Variants in ANO5 observed in about 807,000 individuals in gnomAD.
The protein encoded by ANO5 is anoctamin-5.
Under a neutral mutation model 121.0 loss-of-function variants are expected in ANO5, and 109 were observed. The ratio of observed to expected loss-of-function variants is 0.90; its 90% CI spans 0.77 to 1.06. The LOEUF (loss-of-function observed/expected upper bound fraction) is 1.06, where lower values mean the gene tolerates loss of function less well. ANO5 is among the 50% of genes least tolerant of loss of function. The pLI, the probability that ANO5 is intolerant of heterozygous loss-of-function variation, is 0.00. For synonymous variants in ANO5, 406 were observed against 359.9 expected (o/e 1.13, Z -1.45); for missense variants, 1,064 against 1,078.5 (o/e 0.99, Z 0.19).
At chr11:22,221,639 G>A (rs1022175786) in intron 5 of ANO5, among the ~76,000 whole-genome samples, 5 of 151,714 alleles carry the variant, frequency 3.3e-5, no homozygotes, top group Admixed American at 2.0e-4. Flanking sequence ...CACTTTATGA[G>A]CTTATTTATT....
rs1476549814 is a variant in ANO5 at position 22,225,321 on chromosome 11, T to G, written c.295-663T>G. 2.6e-5 allele frequency among the ~76,000 whole-genome samples: 4 copies of G among 151,716 alleles called. No individual in the cohort carries two copies. In the East Asian group the frequency reaches 7.8e-4, roughly 30 times the overall value. The stretch of plus-strand genomic sequence containing the variant: ...AAAAATTTTTTAAAAATTATCCGAG[T>G]GTGGAGACACCTTCTTGTAGTCCCA... On this transcript the variant is annotated intron_variant, in intron 5 of 21. Coordinates refer to ENST00000324559, the MANE Select transcript of ANO5 (RefSeq NM_213599.3).
intron 7 of ANO5, among the ~76,000 whole-genome samples, chr11:22,232,397 T>C (rs1853073072): frequency 6.6e-6 from 1 of 151,978 alleles, no homozygotes; most frequent in Admixed American, 6.6e-5. Flanking sequence ...CAATTTGCAG[T>C]AGTTATTTAT....
chr11:22,275,882 C>T (rs1274053533), intron 20 of ANO5, among the ~76,000 whole-genome samples: 2 of 151,650 alleles, frequency 1.3e-5, no homozygotes, highest in Non-Finnish European at 3.0e-5. Flanking sequence ...TTGTGTATTT[C>T]TTCTTAGATC....
At chr11:22,255,545 G>A (rs142901632) in intron 13 of ANO5, 23 bp downstream of exon 13, 274 of 1,611,034 alleles carry the variant, frequency 1.7e-4, no homozygotes, top group Non-Finnish European at 2.2e-4. Context: ...ACTGTGAAAC[G>A]GACAGCATAT....
At chr11:22,205,374 C>T (rs994011145) in intron 2 of ANO5, among the ~76,000 whole-genome samples, 3 of 151,916 alleles carry the variant, frequency 2.0e-5, no homozygotes, top group South Asian at 2.1e-4. Flanking sequence ...AAAAGTTCAG[C>T]GACCTAAATG....
At chr11:22,219,150 G>T (rs1165418901) in intron 4 of ANO5, among the ~76,000 whole-genome samples, 1 of 151,976 alleles carries the variant, frequency 6.6e-6, no homozygotes, top group Non-Finnish European at 1.5e-5. Context: ...TGACTTACAA[G>T]GCTCCCAGTG....
chr11:22,239,648 C>G lies in ANO5; in HGVS notation c.842C>G (p.Ser281Cys). Residue 281 changes from serine (S) to cysteine (C), a missense_variant, in exon 9 of 22, where the codon TCC (serine) becomes TGC (cysteine). By Grantham distance (112) the Ser-to-Cys change is moderately radical. Coordinates refer to ENST00000324559, the MANE Select transcript of ANO5 (RefSeq NM_213599.3). Reference sequence around the variant, plus strand: ...CTTCACCAGAATTGGGCTCGATTTTCCTATTTCTACAAGGAGCAGCCTTTA... The same window carrying G: ...CTTCACCAGAATTGGGCTCGATTTTGCTATTTCTACAAGGAGCAGCCTTTA... ...YTLHQNWARF[S>C]YFYKEQPLDL... is the part of the protein sequence containing the mutation. The G allele has an allele frequency of 1.9e-6, 3 of 1,612,366 alleles. No homozygotes were observed. The highest frequency in any genetic ancestry group is 2.5e-6 in the Non-Finnish European group (3 of 1,178,658).
chr11:22,239,052 C>G (rs1853333202), intron 8 of ANO5, among the ~76,000 whole-genome samples: 1 of 152,104 alleles, frequency 6.6e-6, no homozygotes, highest in African/African-American at 2.4e-5. Flanking sequence ...ATGCATCAAG[C>G]AATACCAAGC....
intron 17 of ANO5, among the ~76,000 whole-genome samples, chr11:22,269,243 GAA>G (rs1206506808): frequency 1.4e-5 from 1 of 72,370 alleles, no homozygotes; most frequent in Non-Finnish European, 2.5e-5. Context: ...GAAGGAAGGA[GAA>G]AAAAAGAAAG....
chr11:22,232,707 G>A (rs11026470), intron 7 of ANO5, among the ~76,000 whole-genome samples: 8,324 of 151,892 alleles, frequency 0.055, 789 homozygotes, highest in African/African-American at 0.19. Flanking sequence ...TTTCTCTCAA[G>A]TGTATAGTCA....
At chr11:22,209,957 T>A (rs910887987) in intron 2 of ANO5, among the ~76,000 whole-genome samples, 2 of 151,958 alleles carry the variant, frequency 1.3e-5, no homozygotes, top group African/African-American at 4.8e-5. Context: ...TTGTTTATTG[T>A]CTTAGCAGAA....
At chr11:22,221,764 G>C (rs1852660633) in intron 5 of ANO5, among the ~76,000 whole-genome samples, 1 of 151,788 alleles carries the variant, frequency 6.6e-6, no homozygotes, top group African/African-American at 2.4e-5. Flanking sequence ...GGACTATAAT[G>C]GATACTCAAT....
intron 16 of ANO5, among the ~76,000 whole-genome samples, chr11:22,262,556 C>G (rs983523607): frequency 1.3e-5 from 2 of 152,114 alleles, no homozygotes; most frequent in Admixed American, 1.3e-4. Flanking sequence ...TTCTTTATTC[C>G]TGAAAATTTC....
intron 17 of ANO5, among the ~76,000 whole-genome samples, chr11:22,263,709 A>G (rs941553227): frequency 1.3e-5 from 2 of 152,212 alleles, no homozygotes; most frequent in Non-Finnish European, 2.9e-5. Context: ...TAGTTAGGAA[A>G]TGACTGTGTC....
rs1185761086 is a variant in ANO5 at position 22,233,813 on chromosome 11, T to C, written c.649-2350T>C. The stretch of plus-strand genomic sequence containing the variant: ...AAACACTGTCATAATAAGCAGAAGT[T>C]GTTGTTGTTCAGCCCACCAGAATGT... On this transcript the variant is annotated intron_variant, in intron 7 of 21. Coordinates refer to ENST00000324559, the MANE Select transcript of ANO5 (RefSeq NM_213599.3). 9.2e-5 allele frequency among the ~76,000 whole-genome samples: 7 copies of C among 75,792 alleles called. No homozygotes were observed. The East Asian group carries it at 1.6e-3, about 17-fold the overall frequency. The allele number at this position is 75,792 out of a possible 152,430, so 49.7% of individuals were successfully genotyped here.
In ANO5 at chr11:22,279,864, CT is replaced by C. The variant is rs5790246; in HGVS notation, c.*113del. On this transcript the variant is annotated 3_prime_UTR_variant, in exon 22 of 22. Coordinates refer to ENST00000324559, the MANE Select transcript of ANO5 (RefSeq NM_213599.3). ...AAGCCATGTGTCAATTTTACCCTTT[CT>C]TTTTTTTTTTTTTCTTTTTTTTTTT... The C allele has an allele frequency of 0.38, 266,057 of 698,558 alleles. 18,097 individuals are homozygous for C. Among genetic ancestry groups the C allele is most frequent in the African/African-American group, 0.54 (28,247 of 51,834 alleles). The allele number at this position is 698,558 out of a possible 1,614,324, so 43.3% of individuals were successfully genotyped here. A position where few individuals can be genotyped will look rare whatever the true frequency, so the allele number is the denominator to read the frequency against.
chr11:22,251,451 T>C (rs1055354461), intron 12 of ANO5, among the ~76,000 whole-genome samples: 5 of 152,190 alleles, frequency 3.3e-5, no homozygotes, highest in Admixed American at 3.3e-4. Flanking sequence ...ACTTCCACAC[T>C]CATTCATTAA....
At chr11:22,200,410 C>A (rs7934601) in intron 1 of ANO5, among the ~76,000 whole-genome samples, 3,539 of 152,182 alleles carry the variant, frequency 0.023, 132 homozygotes, top group African/African-American at 0.08. Context: ...TTTCATGAGG[C>A]AACCATGGTA....
intron 9 of ANO5, among the ~76,000 whole-genome samples, chr11:22,243,065 G>T (rs1232654198): frequency 6.6e-6 from 1 of 151,812 alleles, no homozygotes; most frequent in Admixed American, 6.6e-5. Context: ...ATTATTTTGA[G>T]GTATGTTCAT....
Sources: gnomAD v4.1 joint callset for allele counts (sites outside exome capture counted in the v4.1 genomes callset) on GRCh38, gnomAD v4.1.1 for gene constraint, MANE v1.5 for transcripts, NCBI Gene and HGNC (gene_info 2026-07-23, HGNC 2026-07-21) for gene names.